The following PKP4 variants were observed in gnomAD, a reference collection of about 807,000 sequenced individuals.
PKP4 encodes plakophilin 4.
Under a neutral mutation model 145.1 loss-of-function variants are expected in PKP4, and 90 were observed. That is an observed-to-expected ratio of 0.62 (90% CI 0.52 to 0.74). The LOEUF (loss-of-function observed/expected upper bound fraction) is 0.74. Among genes scored for constraint, PKP4 ranks in the 30% least tolerant of loss-of-function variants. The pLI is 0.00. For missense variants in PKP4, 1,340 were observed against 1,482.7 expected (o/e 0.90, Z 1.58); for synonymous variants, 563 against 577.2 (o/e 0.98, Z 0.35).
intron 3 of PKP4, among the ~76,000 whole-genome samples, chr2:158,584,647 C>A (rs991003239): frequency 6.6e-6 from 1 of 151,744 alleles, no homozygotes; most frequent in African/African-American, 2.4e-5. Context: ...CATAGTGAGA[C>A]CCTGTCTCTA....
intron 1 of PKP4, among the ~76,000 whole-genome samples, chr2:158,494,177 A>G (rs540464993): frequency 6.6e-6 from 1 of 152,258 alleles, no homozygotes; most frequent in African/African-American, 2.4e-5. Flanking sequence ...CATCCATTAC[A>G]CCAATTTAGG....
intron 4 of PKP4, among the ~76,000 whole-genome samples, chr2:158,618,761 T>C (rs957799829): frequency 1.3e-5 from 2 of 152,140 alleles, no homozygotes; most frequent in Non-Finnish European, 2.9e-5. Context: ...TGAATAGCTT[T>C]TTTTAAAAAG....
At chr2:158,482,375 C>G (rs1354597171) in intron 1 of PKP4, among the ~76,000 whole-genome samples, 1 of 152,164 alleles carries the variant, frequency 6.6e-6, no homozygotes, top group East Asian at 1.9e-4. Context: ...ACTCAAACTC[C>G]TGGACCCAAG....
intron 15 of PKP4, among the ~76,000 whole-genome samples, chr2:158,664,218 C>A (rs2056875028): frequency 6.6e-6 from 1 of 152,168 alleles, no homozygotes; most frequent in East Asian, 1.9e-4. Flanking sequence ...GGTGAGAAAT[C>A]TTGAGTGGCA....
Position 158,680,599 on chromosome 2 carries a change from T to G in PKP4, c.3501T>G (p.Asn1167Lys), listed in dbSNP as rs757497175. 1.9e-6 allele frequency: 3 copies of G among 1,613,814 alleles called. No individual in the cohort carries two copies. Among genetic ancestry groups the G allele is most frequent in the Admixed American group, 3.3e-5 (2 of 59,998 alleles). ...AGTATGGACTGAAATCGACCACAAA[T>G]TATGTAGACTTTTATTCCACTAAAC... ...STQYGLKSTT[N>K]YVDFYSTKRP... The change falls in exon 22 of 22, where the codon AAT (asparagine) becomes AAG (lysine). Residue 1167 changes from asparagine to lysine, a missense_variant. Asn to Lys is a moderately conservative substitution (Grantham distance 94). Transcript: ENST00000389759.
intron 13 of PKP4, 77 bp from the exon 14 acceptor site, chr2:158,662,820 T>G: frequency 9.1e-7 from 1 of 1,094,298 alleles, no homozygotes. Flanking sequence ...TTATTTCCTG[T>G]CTGTAGTGTT....
intron 4 of PKP4, among the ~76,000 whole-genome samples, chr2:158,607,838 A>T (rs944716241): frequency 6.6e-6 from 1 of 152,190 alleles, no homozygotes; most frequent in African/African-American, 2.4e-5. Flanking sequence ...TTATGAAGAC[A>T]CATTAATTAT....
rs181838339 is a variant in PKP4 at position 158,624,177 on chromosome 2, G to A, written c.604-701G>A. 2.6e-5 allele frequency among the ~76,000 whole-genome samples: 4 copies of A among 152,242 alleles called. No homozygotes were observed. The East Asian group carries it at 7.7e-4, about 29-fold the overall frequency. On this transcript the variant is annotated intron_variant, in intron 6 of 21. Transcript: ENST00000389759. ...GCTAAGAACTCATAGATCAGAAGAG[G>A]TAAAAAGAAATGGCTAAAGTGAGAA...
chr2:158,648,137 A>G (rs1449820620), intron 11 of PKP4, among the ~76,000 whole-genome samples: 1 of 152,202 alleles, frequency 6.6e-6, no homozygotes, highest in Admixed American at 6.5e-5. Context: ...CTTCGGTAAT[A>G]ATAGACTTTG....
Position 158,593,073 on chromosome 2 carries a change from A to G in PKP4, c.246-9997A>G, listed in dbSNP as rs192955884. Reference sequence around the variant, plus strand: ...TTCTAGCAGAAAATAGTATGTTTATATGCCCTTTCTTATTTTAAATTTTTT... The same window carrying G: ...TTCTAGCAGAAAATAGTATGTTTATGTGCCCTTTCTTATTTTAAATTTTTT... On this transcript the variant is annotated intron_variant, in intron 3 of 21. Coordinates refer to ENST00000389759, the MANE Select transcript of PKP4 (RefSeq NM_003628.6). Among the ~76,000 whole-genome samples the G allele has an allele frequency of 1.3e-4, 20 of 152,314 alleles. No homozygotes were observed. In the East Asian group the frequency reaches 3.7e-3, roughly 28 times the overall value.
chr2:158,504,828 A>C (rs1188344525), intron 1 of PKP4, among the ~76,000 whole-genome samples: 6 of 152,228 alleles, frequency 3.9e-5, no homozygotes, highest in Non-Finnish European at 7.3e-5. Flanking sequence ...GAAGATACTG[A>C]ATATGTTGAA....
chr2:158,627,088 G>T (rs1346363700), intron 7 of PKP4, among the ~76,000 whole-genome samples: 1 of 152,126 alleles, frequency 6.6e-6, no homozygotes, highest in Admixed American at 6.5e-5. Flanking sequence ...TGAGCTCAAA[G>T]AAATTCTTAG....
chr2:158,673,593 G>A (rs2057753628), intron 17 of PKP4, 84 bp from the exon 18 acceptor site: 1 of 986,008 alleles, frequency 1.0e-6, no homozygotes, highest in East Asian at 2.4e-5. Context: ...TGGCCTGTTG[G>A]CCACTGATTT....
intron 4 of PKP4, among the ~76,000 whole-genome samples, chr2:158,613,969 C>T (rs1465251119): frequency 6.6e-6 from 1 of 152,176 alleles, no homozygotes; most frequent in Non-Finnish European, 1.5e-5. Context: ...ATGGGTGCCC[C>T]TTTCTAAATT....
At chr2:158,494,308 A>C (rs1047226382) in intron 1 of PKP4, among the ~76,000 whole-genome samples, 1 of 152,186 alleles carries the variant, frequency 6.6e-6, no homozygotes, top group Non-Finnish European at 1.5e-5. Context: ...AGCCCTAAAA[A>C]ATGTGACCTT....
intron 2 of PKP4, among the ~76,000 whole-genome samples, chr2:158,570,348 G>A (rs761223484): frequency 3.9e-5 from 6 of 152,118 alleles, no homozygotes; most frequent in Non-Finnish European, 7.4e-5. Flanking sequence ...GACCATAATT[G>A]ACTCATCTTT....
At chr2:158,546,950 T>C (rs2045111407) in intron 2 of PKP4, among the ~76,000 whole-genome samples, 1 of 152,118 alleles carries the variant, frequency 6.6e-6, no homozygotes, top group Admixed American at 6.6e-5. Context: ...GATATTATTG[T>C]ATATATAGAA....
intron 4 of PKP4, among the ~76,000 whole-genome samples, chr2:158,612,773 T>TAACTA (rs1430389823): frequency 1.6e-4 from 25 of 152,204 alleles, no homozygotes. Context: ...ATATCATTAT[T>TAACTA]AACTATTCAT....
chr2:158,638,060 A>G (rs1553468070), intron 9 of PKP4, among the ~76,000 whole-genome samples: 1 of 152,218 alleles, frequency 6.6e-6, no homozygotes, highest in Non-Finnish European at 1.5e-5. Context: ...TGTATTTGTA[A>G]TGATTGTGAG....
Sources: gnomAD v4.1 joint callset for allele counts (sites outside exome capture counted in the v4.1 genomes callset) on GRCh38, gnomAD v4.1.1 for gene constraint, MANE v1.5 for transcripts, NCBI Gene and HGNC (gene_info 2026-07-23, HGNC 2026-07-21) for gene names.